IRAG2: variants seen among roughly 807,000 people sequenced by gnomAD.
IRAG2 encodes inositol 1,4,5-triphosphate receptor associated 2.
IRAG2 carries 45 observed loss-of-function variants against 69.9 expected under a neutral mutation model. The observed-to-expected ratio is 0.64, with a 90% CI of 0.51 to 0.83. The LOEUF (loss-of-function observed/expected upper bound fraction) is 0.83. Ranked by LOEUF, IRAG2 falls within the 40% of genes least tolerant of loss-of-function variation. The pLI is 0.00. For missense variants in IRAG2, 520 were observed against 587.0 expected (o/e 0.89, Z 1.18); for synonymous variants, 193 against 202.4 (o/e 0.95, Z 0.40).
intron 9 of IRAG2, among the ~76,000 whole-genome samples, chr12:25,082,590 A>G (rs1343057662): frequency 8.2e-6 from 1 of 121,560 alleles, no homozygotes; most frequent in Non-Finnish European, 1.8e-5. Flanking sequence ...GCAGAGTGAG[A>G]CCCTGTCTCA....
Position 25,101,192 on chromosome 12 carries a change from T to C in IRAG2, c.756T>C (p.Ser252=). ...TCTCTTGCTAGGAAAGCCGGGTTAG[T>C]AAAGCAGTTGAAGTGATGATTCAGC... is the stretch of plus-strand genomic sequence containing the variant. ...LGAINQESRV[S]KAVEVMIQHV... Residue 252 remains serine, a synonymous_variant, in exon 16 of 22, where the codon AGT becomes AGC. Transcript: ENST00000556887. 1 of 1,603,212 alleles carries C rather than the reference T, an allele frequency of 6.2e-7. No individual in the cohort carries two copies. The highest frequency in any genetic ancestry group is 8.5e-7 in the Non-Finnish European group (1 of 1,174,272).
intron 15 of IRAG2, among the ~76,000 whole-genome samples, chr12:25,099,522 T>G (rs1948620660): frequency 6.6e-6 from 1 of 152,200 alleles, no homozygotes; most frequent in African/African-American, 2.4e-5. Context: ...TTGTCCAGAT[T>G]AATGCAATAG....
At chr12:25,037,987 T>A (rs16928360) in exon 16 of IRAG2, 2 of 398,722 alleles carry the variant, frequency 5.0e-6, no homozygotes, top group Non-Finnish European at 8.9e-6. Context: ...TTCAACAATA[T>A]CATGGAAGAG....
chr12:25,042,057 T>C (rs1418922405), intron 16 of IRAG2, among the ~76,000 whole-genome samples: 7 of 152,134 alleles, frequency 4.6e-5, no homozygotes, highest in Non-Finnish European at 7.4e-5. Context: ...TAAAAAGTTA[T>C]AGACTTAGGA....
intron 13 of IRAG2, among the ~76,000 whole-genome samples, chr12:25,035,186 G>T (rs1289198564): frequency 1.3e-5 from 2 of 152,068 alleles, no homozygotes; most frequent in African/African-American, 2.4e-5. Flanking sequence ...AGAAGACTTG[G>T]GTCATATATT....
intron 16 of IRAG2, chr12:25,101,880 A>G: frequency 1.8e-6 from 1 of 559,208 alleles, no homozygotes; most frequent in Non-Finnish European, 3.4e-6. Context: ...TCCCTGTTCT[A>G]GAACAGTAAC....
chr12:25,015,338 T>G, intron 4 of IRAG2: 1 of 1,231,822 alleles, frequency 8.1e-7, no homozygotes, highest in Non-Finnish European at 1.0e-6. Context: ...AAAACTCTTG[T>G]ATGTGTTTCA....
chr12:25,031,675 G>GT (rs903368509), intron 10 of IRAG2, among the ~76,000 whole-genome samples: 7 of 151,818 alleles, frequency 4.6e-5, no homozygotes, highest in African/African-American at 7.3e-5. Context: ...TTTTTGTTTT[G>GT]TTTTTTTGTT....
Position 25,079,380 on chromosome 12 carries a change from T to A in IRAG2, c.72-18T>A. On this transcript the variant is annotated intron_variant, in intron 7 of 21. Transcript: ENST00000556887. ...TTGGACCTGACATTCCAAAACATGT[T>A]TGCTATCTTTTTGGCAGGGAATATT... 6.2e-7 allele frequency: 1 copy of A among 1,612,132 alleles called. No individual in the cohort carries two copies. The highest frequency in any genetic ancestry group is 8.5e-7 in the Non-Finnish European group (1 of 1,178,166).
intron 9 of IRAG2, among the ~76,000 whole-genome samples, chr12:25,029,269 C>T (rs540003973): frequency 1.4e-4 from 22 of 152,316 alleles, no homozygotes; most frequent in African/African-American, 5.3e-4. Context: ...CTAGGAGTGG[C>T]TGTCTTTGCA....
At chr12:25,089,860 G>GT in intron 13 of IRAG2, 70 bp downstream of exon 13, 8 of 1,514,042 alleles carry the variant, frequency 5.3e-6, no homozygotes, top group Non-Finnish European at 7.3e-6. Context: ...GTCACTTCAT[G>GT]TTTTGGCACA....
At chr12:25,034,440 AC>A (rs1376866228) in intron 13 of IRAG2, among the ~76,000 whole-genome samples, 1 of 152,230 alleles carries the variant, frequency 6.6e-6, no homozygotes, top group African/African-American at 2.4e-5. Context: ...GCATTTTCTT[AC>A]ATGTGTTTTG....
At chr12:25,044,234 C>T (rs574180274) in intron 16 of IRAG2, among the ~76,000 whole-genome samples, 4 of 152,006 alleles carry the variant, frequency 2.6e-5, no homozygotes, top group South Asian at 2.1e-4. Context: ...GTTTTATGTA[C>T]GCTCCATGGT....
intron 7 of IRAG2, chr12:25,021,185 G>A (rs1159561468): frequency 5.0e-6 from 1 of 201,192 alleles, no homozygotes; most frequent in African/African-American, 2.4e-5. Flanking sequence ...GCTCACTCCA[G>A]CCTCGACCTC....
At chr12:25,087,351 A>G (rs563739968) in intron 10 of IRAG2, among the ~76,000 whole-genome samples, 2 of 151,808 alleles carry the variant, frequency 1.3e-5, no homozygotes, top group East Asian at 3.9e-4. Flanking sequence ...TATTTTTAGT[A>G]GAGACGGGGT....
chr12:25,067,409 C>G (rs1400181314), intron 5 of IRAG2, among the ~76,000 whole-genome samples: 1 of 152,142 alleles, frequency 6.6e-6, no homozygotes, highest in Non-Finnish European at 1.5e-5. Flanking sequence ...CAGTTCAATT[C>G]CAACGTTATC....
intron 16 of IRAG2, among the ~76,000 whole-genome samples, chr12:25,046,971 A>G (rs1194966615): frequency 6.6e-6 from 1 of 152,228 alleles, no homozygotes; most frequent in Non-Finnish European, 1.5e-5. Context: ...TATTAGCATA[A>G]AGACAGATAT....
chr12:25,068,250 T>G (rs936823726), intron 5 of IRAG2, among the ~76,000 whole-genome samples: 1 of 152,082 alleles, frequency 6.6e-6, no homozygotes, highest in Non-Finnish European at 1.5e-5. Flanking sequence ...GGATTACAGG[T>G]GTGAGCCACT....
At chr12:25,059,130 T>C (rs1945444591) in intron 1 of IRAG2, among the ~76,000 whole-genome samples, 1 of 152,208 alleles carries the variant, frequency 6.6e-6, no homozygotes, top group African/African-American at 2.4e-5. Context: ...AATTGTAAGA[T>C]AGTATTCTGA....
Sources: allele counts gnomAD v4.1 joint callset (sites outside exome capture counted in the v4.1 genomes callset), GRCh38; gene constraint gnomAD v4.1.1; transcripts MANE v1.5; gene names NCBI Gene and HGNC (gene_info 2026-07-23, HGNC 2026-07-21).